The following OXR1 variants were observed in gnomAD, a reference collection of about 807,000 sequenced individuals.
OXR1 encodes oxidation resistance protein 1.
In OXR1, 41 loss-of-function variants were observed where a neutral mutation model predicts 104.6. The ratio of observed to expected loss-of-function variants is 0.39; its 90% CI spans 0.31 to 0.51. The LOEUF is 0.51. OXR1 is among the 20% of genes least tolerant of loss of function. The pLI is 0.77. For synonymous variants in OXR1, 348 were observed against 348.4 expected (o/e 1.00, Z 0.01); for missense variants, 955 against 1,031.9 (o/e 0.93, Z 1.02).
intron 11 of OXR1, among the ~76,000 whole-genome samples, chr8:106,736,343 T>C (rs916555003): frequency 1.3e-5 from 2 of 152,210 alleles, no homozygotes; most frequent in Non-Finnish European, 2.9e-5. Flanking sequence ...TTTCAGAACT[T>C]TCAACAAGTT....
chr8:106,301,883 A>G (rs1385357707), intron 1 of OXR1, among the ~76,000 whole-genome samples: 1 of 152,180 alleles, frequency 6.6e-6, no homozygotes, highest in African/African-American at 2.4e-5. Context: ...TATTTCAAAT[A>G]AAAACCCTTT....
At chr8:106,521,060 G>T (rs1038191916) in intron 3 of OXR1, among the ~76,000 whole-genome samples, 10 of 152,114 alleles carry the variant, frequency 6.6e-5, no homozygotes, top group African/African-American at 2.4e-4. Context: ...CATGTCTATT[G>T]TGTTAAAAGA....
chr8:106,435,436 C>T (rs746651979), intron 2 of OXR1, among the ~76,000 whole-genome samples: 14 of 152,104 alleles, frequency 9.2e-5, no homozygotes, highest in Non-Finnish European at 1.9e-4. Flanking sequence ...TAATCACCCT[C>T]AATTGTGAGG....
intron 11 of OXR1, among the ~76,000 whole-genome samples, chr8:106,715,824 A>G (rs1171957534): frequency 1.3e-5 from 2 of 152,316 alleles, no homozygotes; most frequent in East Asian, 1.9e-4. Flanking sequence ...TCTGCAGGGT[A>G]TAATTTCTAA....
intron 2 of OXR1, among the ~76,000 whole-genome samples, chr8:106,403,728 G>A (rs1041512751): frequency 6.6e-6 from 1 of 152,150 alleles, no homozygotes; most frequent in South Asian, 2.1e-4. Context: ...TAAACTGCTG[G>A]AGTCTAGATC....
intron 11 of OXR1, among the ~76,000 whole-genome samples, chr8:106,734,008 T>A (rs1587282592): frequency 1.5e-5 from 2 of 133,706 alleles, no homozygotes; most frequent in East Asian, 2.2e-4. Flanking sequence ...TTTTTTTTTT[T>A]AAGACAGGAT....
intron 3 of OXR1, among the ~76,000 whole-genome samples, chr8:106,609,079 A>G (rs1289297267): frequency 6.6e-6 from 1 of 152,160 alleles, no homozygotes; most frequent in Non-Finnish European, 1.5e-5. Flanking sequence ...GAAAAACATA[A>G]CATAACTCAA....
chr8:106,333,918 T>A (rs1814842985), intron 1 of OXR1, among the ~76,000 whole-genome samples: 1 of 152,136 alleles, frequency 6.6e-6, no homozygotes, highest in African/African-American at 2.4e-5. Flanking sequence ...TTTGTTCTTT[T>A]TCAGGATTGT....
intron 3 of OXR1, among the ~76,000 whole-genome samples, chr8:106,596,200 C>A (rs1054498816): frequency 6.6e-6 from 1 of 152,106 alleles, no homozygotes; most frequent in African/African-American, 2.4e-5. Context: ...AATCCCCACA[C>A]TTTGGGAGGC....
intron 3 of OXR1, among the ~76,000 whole-genome samples, chr8:106,567,726 A>T (rs1817184124): frequency 1.3e-5 from 2 of 152,184 alleles, no homozygotes; most frequent in Admixed American, 1.3e-4. Context: ...GGGTAATGCA[A>T]ACCAAATAAA....
intron 1 of OXR1, among the ~76,000 whole-genome samples, chr8:106,324,629 T>A (rs1024495282): frequency 3.4e-5 from 5 of 148,190 alleles, no homozygotes; most frequent in Non-Finnish European, 6.0e-5. Flanking sequence ...AATTTCCTTC[T>A]TTTTTTTTTA....
Position 106,542,650 on chromosome 8 carries a change from T to G in OXR1, c.220+23511T>G, listed in dbSNP as rs192232441. ...TAATTTCCATTCCCTTCAGTAAAACTGTGGTAGCATTATTGCATAAAAATA... is the reference window on the plus strand; with the variant it reads ...TAATTTCCATTCCCTTCAGTAAAACGGTGGTAGCATTATTGCATAAAAATA... On this transcript the variant is annotated intron_variant, in intron 3 of 16. Transcript: ENST00000517566. Among the ~76,000 whole-genome samples, 800 of 152,200 alleles carry G rather than the reference T, an allele frequency of 5.3e-3. 7 individuals carry two copies. Among genetic ancestry groups the G allele is most frequent in the African/African-American group, 0.018 (757 of 41,544 alleles).
At chr8:106,327,912 T>C (rs1043904797) in intron 1 of OXR1, among the ~76,000 whole-genome samples, 4 of 152,236 alleles carry the variant, frequency 2.6e-5, no homozygotes, top group African/African-American at 7.2e-5. Flanking sequence ...CTTGCATTAG[T>C]CATCAGGACT....
rs530963132 is a variant in OXR1 at position 106,578,110 on chromosome 8, G to A, written c.220+58971G>A. On this transcript the variant is annotated intron_variant, in intron 3 of 16. Transcript: ENST00000517566. ...CCAATTTCAATCTCAGGTAAACAAT[G>A]AATAAACATTTAGTATAAGTATGTT... Among the ~76,000 whole-genome samples the A allele has an allele frequency of 3.9e-5, 6 of 152,230 alleles. No individual in the cohort carries two copies. In the East Asian group the frequency reaches 1.2e-3, roughly 29 times the overall value.
At chr8:106,721,854 A>G (rs895337829) in intron 11 of OXR1, among the ~76,000 whole-genome samples, 2 of 152,212 alleles carry the variant, frequency 1.3e-5, no homozygotes, top group South Asian at 4.1e-4. Context: ...ATTGTAGGCC[A>G]TAACATTTAT....
intron 3 of OXR1, among the ~76,000 whole-genome samples, chr8:106,544,207 C>CTTTTTTT (rs71307066): frequency 1.3e-4 from 17 of 135,528 alleles, no homozygotes; most frequent in African/African-American, 1.6e-4. Flanking sequence ...TTTTCTTTTT[C>CTTTTTTT]TTTTTTTTTT....
intron 2 of OXR1, among the ~76,000 whole-genome samples, chr8:106,450,547 T>C (rs1619201): frequency 0.07 from 10,598 of 152,266 alleles, 412 homozygotes; most frequent in Non-Finnish European, 0.087. Flanking sequence ...ACACATTGCC[T>C]AGGACATTCT....
intron 3 of OXR1, among the ~76,000 whole-genome samples, chr8:106,668,176 A>G (rs756575301): frequency 5.3e-5 from 8 of 152,016 alleles, no homozygotes; most frequent in Non-Finnish European, 1.2e-4. Context: ...CCACTTTTTT[A>G]TAACTTATTA....
intron 3 of OXR1, among the ~76,000 whole-genome samples, chr8:106,544,121 A>G (rs971576227): frequency 6.6e-6 from 1 of 152,112 alleles, no homozygotes; most frequent in Non-Finnish European, 1.5e-5. Context: ...GGCCTGAGTA[A>G]TGTTGAATAA....
Sources: allele counts gnomAD v4.1 joint callset (sites outside exome capture counted in the v4.1 genomes callset), GRCh38; gene constraint gnomAD v4.1.1; transcripts MANE v1.5; gene names NCBI Gene and HGNC (gene_info 2026-07-23, HGNC 2026-07-21).